The following OLFM3 variants were observed in gnomAD, a reference collection of about 807,000 sequenced individuals.
OLFM3 encodes olfactomedin 3.
OLFM3 carries 20 observed loss-of-function variants against 48.6 expected under a neutral mutation model. That is an observed-to-expected ratio of 0.41 (90% CI 0.29 to 0.60). The LOEUF (loss-of-function observed/expected upper bound fraction) is 0.60, where lower values mean the gene tolerates loss of function less well. Ranked by LOEUF, OLFM3 falls within the 20% of genes least tolerant of loss-of-function variation. The pLI is 0.28. For missense variants in OLFM3, 437 were observed against 544.3 expected (o/e 0.80, Z 1.96); for synonymous variants, 222 against 198.1 (o/e 1.12, Z -1.01).
intron 1 of OLFM3, among the ~76,000 whole-genome samples, chr1:101,978,945 G>C (rs1458723104): frequency 1.3e-5 from 2 of 151,970 alleles, no homozygotes; most frequent in Non-Finnish European, 2.9e-5. Flanking sequence ...TGTCTCCTTA[G>C]GCATATGCTA....
chr1:101,899,346 C>T lies in OLFM3; in HGVS notation c.70-62321G>A, dbSNP rs374180151. 2.5e-4 allele frequency among the ~76,000 whole-genome samples: 38 copies of T among 152,196 alleles called. No homozygotes were observed. In the South Asian group the frequency reaches 7.5e-3, roughly 30 times the overall value. ...AGCTCACAACATGATAGCTTGTTTCCCTCCTGGCAAACAAAAGGGAGAATA... is the reference window on the plus strand; with the variant it reads ...AGCTCACAACATGATAGCTTGTTTCTCTCCTGGCAAACAAAAGGGAGAATA... On this transcript the variant is annotated intron_variant, in intron 1 of 5. Coordinates refer to ENST00000370103, the MANE Select transcript of OLFM3 (RefSeq NM_058170.4).
chr1:101,830,090 G>A (rs184525559), intron 3 of OLFM3, among the ~76,000 whole-genome samples: 4 of 151,834 alleles, frequency 2.6e-5, no homozygotes, highest in Non-Finnish European at 5.9e-5. Flanking sequence ...TGCCCACCTC[G>A]GCCTCCCAAA....
chr1:101,850,833 T>A (rs955654263), intron 1 of OLFM3, among the ~76,000 whole-genome samples: 1 of 152,042 alleles, frequency 6.6e-6, no homozygotes, highest in Non-Finnish European at 1.5e-5. Flanking sequence ...AATTTGTAAA[T>A]GGCTTCAGGC....
chr1:101,988,564 C>A (rs1165932350), intron 1 of OLFM3, among the ~76,000 whole-genome samples: 2 of 152,062 alleles, frequency 1.3e-5, no homozygotes, highest in African/African-American at 2.4e-5. Context: ...AAAAATGGAT[C>A]AAAAACATAG....
intron 1 of OLFM3, among the ~76,000 whole-genome samples, chr1:101,899,410 G>A (rs1309624643): frequency 6.6e-6 from 1 of 152,174 alleles, no homozygotes; most frequent in African/African-American, 2.4e-5. Context: ...CAAGACTGTA[G>A]CAAAAGTGTC....
intron 1 of OLFM3, among the ~76,000 whole-genome samples, chr1:101,993,697 T>C (rs1661478430): frequency 2.6e-5 from 4 of 152,030 alleles, no homozygotes; most frequent in Admixed American, 2.6e-4. Context: ...CCTATAAAAA[T>C]ACAAATAATT....
chr1:101,838,017 T>TTA (rs1553172064), intron 1 of OLFM3: 2 of 152,162 alleles, frequency 1.3e-5, no homozygotes, highest in Non-Finnish European at 2.9e-5. Context: ...CTATTTTTTT[T>TTA]TATATATAGA....
At chr1:101,899,116 G>C (rs1166563798) in intron 1 of OLFM3, among the ~76,000 whole-genome samples, 1 of 152,162 alleles carries the variant, frequency 6.6e-6, no homozygotes, top group East Asian at 1.9e-4. Context: ...CTACCTCAAG[G>C]TCTCTCACAA....
intron 1 of OLFM3, among the ~76,000 whole-genome samples, chr1:101,880,464 A>T (rs534324611): frequency 1.2e-4 from 18 of 151,920 alleles, no homozygotes; most frequent in Non-Finnish European, 2.1e-4. Context: ...TAATGAATGA[A>T]ACTAGGGGAA....
chr1:101,812,737 C>T (rs574124805), intron 4 of OLFM3: 130 of 987,402 alleles, frequency 1.3e-4, no homozygotes, highest in Non-Finnish European at 1.5e-4. Flanking sequence ...GAATTTGTAC[C>T]GGAGGTTAAA....
intron 1 of OLFM3, among the ~76,000 whole-genome samples, chr1:101,855,305 A>G (rs1656371512): frequency 6.6e-6 from 1 of 152,038 alleles, no homozygotes. Flanking sequence ...ACCAGTTTAT[A>G]GTTAAGGAAC....
At chr1:101,877,729 T>C (rs1038848873) in intron 1 of OLFM3, among the ~76,000 whole-genome samples, 9 of 151,866 alleles carry the variant, frequency 5.9e-5, no homozygotes, top group Non-Finnish European at 1.3e-4. Context: ...TTATTAAAAA[T>C]GACCTTAGTC....
chr1:101,942,301 G>A (rs6677151), intron 1 of OLFM3, among the ~76,000 whole-genome samples: 1 of 152,118 alleles, frequency 6.6e-6, no homozygotes, highest in African/African-American at 2.4e-5. Flanking sequence ...AAAAATCTAG[G>A]CTGAAAGTGG....
At chr1:101,977,912 T>C (rs1158249639) in intron 1 of OLFM3, among the ~76,000 whole-genome samples, 1 of 152,138 alleles carries the variant, frequency 6.6e-6, no homozygotes, top group Non-Finnish European at 1.5e-5. Flanking sequence ...AAATAATATG[T>C]TTATACTTTG....
chr1:101,982,616 G>A (rs1173056704), intron 1 of OLFM3, among the ~76,000 whole-genome samples: 2 of 152,178 alleles, frequency 1.3e-5, no homozygotes, highest in Admixed American at 6.6e-5. Flanking sequence ...TCCCTAATGT[G>A]TGTGGGCCTC....
intron 1 of OLFM3, among the ~76,000 whole-genome samples, chr1:101,925,831 A>G (rs976539619): frequency 1.3e-5 from 2 of 152,040 alleles, no homozygotes; most frequent in Non-Finnish European, 1.5e-5. Context: ...TGCCTGGCCT[A>G]TATCTGTAGT....
chr1:101,848,417 A>G (rs781700337), intron 1 of OLFM3, among the ~76,000 whole-genome samples: 2 of 152,110 alleles, frequency 1.3e-5, no homozygotes, highest in Non-Finnish European at 2.9e-5. Flanking sequence ...TAGTGTGTGT[A>G]TATTTTACTT....
At position 101,976,264 on chromosome 1, in the gene OLFM3, A is replaced by G. The variant is rs117121414; in HGVS notation, c.69+20484T>C. On this transcript the variant is annotated intron_variant, in intron 1 of 5. Coordinates refer to ENST00000370103, the MANE Select transcript of OLFM3 (RefSeq NM_058170.4). Reference sequence around the variant, plus strand: ...TTTTAAATTACTCCATTTTGTGTTTAAATCCCATGTAAGGAACTCTGACCT... The same window carrying G: ...TTTTAAATTACTCCATTTTGTGTTTGAATCCCATGTAAGGAACTCTGACCT... Among the ~76,000 whole-genome samples the G allele has an allele frequency of 1.2e-4, 18 of 152,318 alleles. 1 individual carries two copies. In the East Asian group the frequency reaches 3.5e-3, roughly 29 times the overall value.
intron 1 of OLFM3, among the ~76,000 whole-genome samples, chr1:101,910,445 G>A (rs2339118): frequency 6.8e-6 from 1 of 147,936 alleles, no homozygotes; most frequent in East Asian, 2.0e-4. Context: ...CAGCCTGGGC[G>A]ACAGAGCGAG....
Sources: gnomAD v4.1 joint callset for allele counts (sites outside exome capture counted in the v4.1 genomes callset) on GRCh38, gnomAD v4.1.1 for gene constraint, MANE v1.5 for transcripts, NCBI Gene and HGNC (gene_info 2026-07-23, HGNC 2026-07-21) for gene names.